GAS7: variants seen among roughly 807,000 people sequenced by gnomAD.
GAS7 encodes growth arrest specific 7.
Under a neutral mutation model 71.1 loss-of-function variants are expected in GAS7, and 28 were observed. That is an observed-to-expected ratio of 0.39 (90% CI 0.29 to 0.54). The LOEUF (loss-of-function observed/expected upper bound fraction) is 0.54. Among genes scored for constraint, GAS7 ranks in the 20% least tolerant of loss-of-function variants. GAS7 has a pLI of 0.62. For missense variants in GAS7, 436 were observed against 627.8 expected, an observed-to-expected ratio of 0.69 and a Z score of 3.27; for synonymous variants, 258 against 245.8, an observed-to-expected ratio of 1.05 and a Z score of -0.46.
chr17:9,970,376 T>C (rs1237386266), intron 3 of GAS7, among the ~76,000 whole-genome samples: 1 of 152,174 alleles, frequency 6.6e-6, no homozygotes, highest in Non-Finnish European at 1.5e-5. Flanking sequence ...ATGTCTGTAA[T>C]CCCAGAACTT....
intron 1 of GAS7, among the ~76,000 whole-genome samples, chr17:10,112,437 T>C (rs1041682823): frequency 1.3e-5 from 2 of 152,080 alleles, no homozygotes; most frequent in Non-Finnish European, 2.9e-5. Flanking sequence ...AGGAGTAGCA[T>C]GTAGAAAATG....
At chr17:10,153,284 G>A (rs1329060693) in intron 1 of GAS7, among the ~76,000 whole-genome samples, 16 of 152,010 alleles carry the variant, frequency 1.1e-4, no homozygotes, top group African/African-American at 3.1e-4. Context: ...GGCAGATCAC[G>A]AGGTCAGGAA....
In GAS7 at chr17:9,922,341, G is replaced by T. The variant is rs139667549; in HGVS notation, c.1139-2636C>A. Among the ~76,000 whole-genome samples the T allele has an allele frequency of 4.0e-3, 611 of 152,330 alleles. 4 individuals carry two copies. The highest frequency in any genetic ancestry group is 0.014 in the African/African-American group (584 of 41,578). ...CATTTCCTGAGCAACAGGCTGTCCA[G>T]CAAAATGGCGACAAGCAGAGTCTCT... On this transcript the variant is annotated intron_variant, in intron 11 of 13. Transcript: ENST00000432992.
At chr17:10,084,333 T>C (rs1170541245) in intron 1 of GAS7, among the ~76,000 whole-genome samples, 2 of 152,150 alleles carry the variant, frequency 1.3e-5, no homozygotes, top group Non-Finnish European at 2.9e-5. Flanking sequence ...ATCATAGTGG[T>C]CCTATTAGAA....
At position 9,919,266 on chromosome 17, in the gene GAS7, G is replaced by A. The variant is rs999620584; in HGVS notation, c.1218+360C>T. On this transcript the variant is annotated intron_variant, in intron 12 of 13. Coordinates refer to ENST00000432992, the MANE Select transcript of GAS7 (RefSeq NM_201433.2). The surrounding 1 kb of genome is among the most constrained non-coding windows in gnomAD (Gnocchi z 5.0). ...TACCAAGGACCTGCAACTCGTGTGT[G>A]TGCATGTGTGGGGCGGTCCTCTCTT... 2.6e-5 allele frequency among the ~76,000 whole-genome samples: 4 copies of A among 152,248 alleles called. No individual in the cohort carries two copies. The highest frequency in any genetic ancestry group is 4.1e-4 in the South Asian group (2 of 4,826).
Position 10,111,510 on chromosome 17 carries a change from G to A in GAS7, c.183+86698C>T, listed in dbSNP as rs560236419. Among the ~76,000 whole-genome samples the A allele has an allele frequency of 1.9e-3, 289 of 151,506 alleles. 1 individual carries two copies. Among genetic ancestry groups the A allele is most frequent in the African/African-American group, 6.9e-3 (283 of 41,276 alleles). On this transcript the variant is annotated intron_variant, in intron 1 of 13. Transcript: ENST00000432992. ...ACTGTGCCACTGCACTCCAGCCTGG[G>A]TGACAGAGTGAGACTCTGTCTCAAA...
intron 2 of GAS7, among the ~76,000 whole-genome samples, chr17:10,004,699 T>C (rs1733535219): frequency 6.6e-6 from 1 of 152,164 alleles, no homozygotes; most frequent in Admixed American, 6.5e-5. Context: ...TAATCTCTCA[T>C]TTCCAACTTC....
chr17:10,170,243 A>G (rs1218099597), intron 1 of GAS7, among the ~76,000 whole-genome samples: 3 of 151,984 alleles, frequency 2.0e-5, no homozygotes, highest in Non-Finnish European at 4.4e-5. Context: ...CCTCTGCTCA[A>G]TGGCTCCCCT....
intron 9 of GAS7, among the ~76,000 whole-genome samples, chr17:9,930,787 C>T (rs2068181463): frequency 6.6e-6 from 1 of 152,214 alleles, no homozygotes; most frequent in Admixed American, 6.5e-5. Flanking sequence ...CAAATACATC[C>T]TTGGAGCCAC....
chr17:10,029,775 C>T (rs757190088), intron 1 of GAS7, among the ~76,000 whole-genome samples: 1 of 151,924 alleles, frequency 6.6e-6, no homozygotes, highest in African/African-American at 2.4e-5. Flanking sequence ...TTGCTTGAAC[C>T]TAGAAGGCGG....
rs1216551632 is a variant in GAS7, at chr17:9,914,432, T to G, written c.*2796A>C. On this transcript the variant is annotated 3_prime_UTR_variant, in exon 14 of 14. Transcript: ENST00000432992. ...TAGCAGAGACGGGGTTTCACCATGT[T>G]AGCCAGGATGGTCTCGATCTCCTGA... 1 of 180,030 alleles carries G rather than the reference T, an allele frequency of 5.6e-6. No individual in the cohort carries two copies. The highest frequency in any genetic ancestry group is 1.2e-5 in the Non-Finnish European group (1 of 84,240). 11.2% of individuals were successfully genotyped at this position (180,030 alleles called of 1,614,324 possible).
chr17:10,032,109 C>CAGAA (rs1555526702), intron 1 of GAS7, among the ~76,000 whole-genome samples: 1 of 84,304 alleles, frequency 1.2e-5, no homozygotes, highest in Non-Finnish European at 2.4e-5. Context: ...TGGGGAACCT[C>CAGAA]AGAAAAAAAA....
chr17:10,050,560 A>G (rs2073049185), intron 1 of GAS7, among the ~76,000 whole-genome samples: 1 of 152,258 alleles, frequency 6.6e-6, no homozygotes, highest in East Asian at 1.9e-4. Context: ...ATGGCACAGC[A>G]GAACCAAGGC....
rs2067582058 is a variant in GAS7, at chr17:9,916,370, C to G, written c.*858G>C. 2 of 233,378 alleles carry G rather than the reference C, an allele frequency of 8.6e-6. No individual in the cohort carries two copies. Among genetic ancestry groups the G allele is most frequent in the Admixed American group, 1.1e-4 (2 of 17,804 alleles). The allele number at this position is 233,378 out of a possible 1,614,324, so 14.5% of individuals were successfully genotyped here. On this transcript the variant is annotated 3_prime_UTR_variant, in exon 14 of 14. Transcript: ENST00000432992. ...GAGACGAGCTGGTTTGTTTCCATCC[C>G]TGAAGCCTTTGGACGAGCTGGATGA...
intron 1 of GAS7, among the ~76,000 whole-genome samples, chr17:10,151,800 C>T (rs1036583767): frequency 6.6e-6 from 1 of 152,204 alleles, no homozygotes; most frequent in Non-Finnish European, 1.5e-5. Flanking sequence ...CCTGCCTCGG[C>T]CTCCCAAAGT....
intron 1 of GAS7, among the ~76,000 whole-genome samples, chr17:10,052,353 G>A (rs529664807): frequency 2.0e-5 from 3 of 152,338 alleles, no homozygotes; most frequent in Non-Finnish European, 4.4e-5. Flanking sequence ...TGATAATCAG[G>A]TAGAAGGTAA....
chr17:9,930,155 A>G (rs1382059784), intron 9 of GAS7, among the ~76,000 whole-genome samples: 2 of 152,250 alleles, frequency 1.3e-5, no homozygotes, highest in African/African-American at 4.8e-5. Flanking sequence ...ATACCAGAGT[A>G]CATTTTAAGT....
At chr17:10,092,152 G>A (rs1476798624) in intron 1 of GAS7, among the ~76,000 whole-genome samples, 1 of 152,086 alleles carries the variant, frequency 6.6e-6, no homozygotes, top group Non-Finnish European at 1.5e-5. Flanking sequence ...CTTCGCACAT[G>A]TATTCTCTCT....
chr17:10,169,872 A>C (rs962008821), intron 1 of GAS7, among the ~76,000 whole-genome samples: 1 of 152,104 alleles, frequency 6.6e-6, no homozygotes, highest in Non-Finnish European at 1.5e-5. Context: ...AGGAATCTCA[A>C]ACTTAACTCT....
Sources: gnomAD v4.1 joint callset for allele counts (sites outside exome capture counted in the v4.1 genomes callset) on GRCh38, gnomAD v4.1.1 for gene constraint, Gnocchi (gnomAD v3.1) non-coding constraint, MANE v1.5 for transcripts, NCBI Gene and HGNC (gene_info 2026-07-23, HGNC 2026-07-21) for gene names.